Variants in ADCY9 observed in about 807,000 individuals in gnomAD.
The protein encoded by ADCY9 is adenylate cyclase 9.
ADCY9 carries 50 observed loss-of-function variants against 101.5 expected under a neutral mutation model. That is an observed-to-expected ratio of 0.49 (90% confidence interval 0.39 to 0.62). The LOEUF (loss-of-function observed/expected upper bound fraction) is 0.62. ADCY9 is among the 20% of genes least tolerant of loss of function. The probability of loss-of-function intolerance (pLI) is 0.00; values close to 1 mark genes in which losing one functional copy is unlikely to be tolerated. For synonymous variants in ADCY9, 905 were observed against 769.3 expected (o/e 1.18, Z -2.92); for missense variants, 1,662 against 1,800.4 (o/e 0.92, Z 1.39).
At chr16:3,977,128 T>A (rs1465004988) in intron 9 of ADCY9, among the ~76,000 whole-genome samples, 2 of 152,244 alleles carry the variant, frequency 1.3e-5, no homozygotes, top group Admixed American at 6.5e-5. Context: ...CGCTCTTTCA[T>A]GGCCTTGACC....
chr16:4,055,629 C>T (rs576903835), intron 2 of ADCY9, among the ~76,000 whole-genome samples: 164 of 151,946 alleles, frequency 1.1e-3, no homozygotes, highest in African/African-American at 3.7e-3. Flanking sequence ...GTCAGGAGAT[C>T]GAGACCATCC....
intron 3 of ADCY9, among the ~76,000 whole-genome samples, chr16:4,003,140 C>T (rs368290605): frequency 1.3e-5 from 2 of 152,140 alleles, no homozygotes; most frequent in South Asian, 2.1e-4. Flanking sequence ...GGAGCGCTGA[C>T]GTCACATTCA....
At chr16:3,979,006 T>C (rs982683357) in intron 8 of ADCY9, 110 bp downstream of exon 8, 12 of 1,411,936 alleles carry the variant, frequency 8.5e-6, no homozygotes, top group Non-Finnish European at 1.2e-5. Flanking sequence ...TGAGCCACCA[T>C]GCCTGGCCAA....
chr16:3,997,970 T>G (rs573321741), intron 3 of ADCY9, among the ~76,000 whole-genome samples: 1 of 152,072 alleles, frequency 6.6e-6, no homozygotes, highest in South Asian at 2.1e-4. Flanking sequence ...GGCACACACC[T>G]GTAATCCCAG....
At chr16:4,064,708 G>A (rs8048356) in intron 2 of ADCY9, among the ~76,000 whole-genome samples, 89,805 of 151,656 alleles carry the variant, frequency 0.59, 26,839 homozygotes, top group South Asian at 0.68. Context: ...CAAACTCCTG[G>A]ACTCAAGCAA....
At chr16:4,013,944 T>C (rs946812132) in intron 2 of ADCY9, among the ~76,000 whole-genome samples, 1 of 152,236 alleles carries the variant, frequency 6.6e-6, no homozygotes, top group African/African-American at 2.4e-5. Flanking sequence ...ACTGATTTGT[T>C]CTTGTTGTCC....
intron 2 of ADCY9, among the ~76,000 whole-genome samples, chr16:4,041,919 G>T (rs1287517991): frequency 3.3e-4 from 33 of 100,634 alleles, no homozygotes; most frequent in East Asian, 1.5e-3. Flanking sequence ...CCCCAGCTAA[G>T]TTTTTTTTTT....
chr16:4,018,573 T>C (rs1441303901), intron 2 of ADCY9, among the ~76,000 whole-genome samples: 2 of 152,196 alleles, frequency 1.3e-5, no homozygotes, highest in East Asian at 1.9e-4. Context: ...CTTCACCACC[T>C]GTTGCTTCTG....
downstream of ADCY9, among the ~76,000 whole-genome samples, chr16:3,957,844 C>T (rs2055915809): frequency 6.6e-6 from 1 of 152,222 alleles, no homozygotes; most frequent in Admixed American, 6.5e-5. Flanking sequence ...AACCCTTTCA[C>T]ATCCTTCCCG....
intron 6 of ADCY9, 83 bp from the exon 7 acceptor site, chr16:3,983,523 C>T (rs558501544): frequency 4.1e-5 from 49 of 1,188,972 alleles, no homozygotes; most frequent in Non-Finnish European, 4.9e-5. Flanking sequence ...ACAGGCAACA[C>T]GTGCGGAGCA....
intron 2 of ADCY9, among the ~76,000 whole-genome samples, chr16:4,105,616 G>A (rs1416230893): frequency 1.3e-5 from 2 of 151,198 alleles, no homozygotes; most frequent in East Asian, 3.9e-4. Context: ...GGAGGCAGAG[G>A]TTGCAGTAAG....
At chr16:4,046,884 C>A (rs993322773) in intron 2 of ADCY9, among the ~76,000 whole-genome samples, 7 of 151,986 alleles carry the variant, frequency 4.6e-5, no homozygotes, top group South Asian at 2.1e-4. Flanking sequence ...CTGGCATGCA[C>A]CTGCAGTCCC....
At chr16:3,988,468 A>G (rs978963275) in intron 6 of ADCY9, among the ~76,000 whole-genome samples, 1 of 12,616 alleles carries the variant, frequency 7.9e-5, no homozygotes, top group Non-Finnish European at 1.5e-4. Flanking sequence ...CTTCCAGGGC[A>G]GGTGTGGGGG....
intron 2 of ADCY9, among the ~76,000 whole-genome samples, chr16:4,105,217 G>C (rs183178240): frequency 2.4e-4 from 37 of 152,172 alleles, no homozygotes; most frequent in African/African-American, 8.4e-4. Context: ...ACATTAACAT[G>C]CAATGGGTGA....
chr16:3,986,160 C>T lies in ADCY9; in HGVS notation c.2311-2720G>A, dbSNP rs148435505. On this transcript the variant is annotated intron_variant, in intron 6 of 10. Coordinates refer to ENST00000294016, the MANE Select transcript of ADCY9 (RefSeq NM_001116.4). ...CCACCATGATTAGCTATGATACCCA[C>T]GCGTCCATGCCTCAGTCTCTTTATC... 4.6e-3 allele frequency among the ~76,000 whole-genome samples: 707 copies of T among 152,382 alleles called. 3 individuals are homozygous for T. Among genetic ancestry groups the T allele is most frequent in the African/African-American group, 0.016 (675 of 41,598 alleles).
intron 3 of ADCY9, among the ~76,000 whole-genome samples, chr16:3,995,746 T>C (rs922746717): frequency 3.3e-5 from 5 of 152,164 alleles, no homozygotes; most frequent in Non-Finnish European, 5.9e-5. Flanking sequence ...ACCCAGGTTG[T>C]ATTTAAAGTT....
chr16:4,012,740 A>C (rs1006270681), intron 2 of ADCY9, among the ~76,000 whole-genome samples: 2 of 152,160 alleles, frequency 1.3e-5, no homozygotes, highest in African/African-American at 4.8e-5. Flanking sequence ...GTATAGTGTC[A>C]CTTCTTTGAA....
intron 2 of ADCY9, among the ~76,000 whole-genome samples, chr16:4,069,677 A>G (rs1480567581): frequency 2.0e-5 from 3 of 152,276 alleles, no homozygotes; most frequent in South Asian, 2.1e-4. Flanking sequence ...CTACAGGACC[A>G]TCTTCTAAGG....
At chr16:3,991,146 A>C (rs938103176) in intron 5 of ADCY9, among the ~76,000 whole-genome samples, 1 of 152,248 alleles carries the variant, frequency 6.6e-6, no homozygotes, top group African/African-American at 2.4e-5. Flanking sequence ...GGCAAGAATC[A>C]TCAATGAATG....
Sources: gnomAD v4.1 joint callset for allele counts (sites outside exome capture counted in the v4.1 genomes callset) on GRCh38, gnomAD v4.1.1 for gene constraint, MANE v1.5 for transcripts, NCBI Gene and HGNC (gene_info 2026-07-23, HGNC 2026-07-21) for gene names.